DCC: variants seen among roughly 807,000 people sequenced by gnomAD.
DCC encodes the protein netrin receptor DCC.
A neutral mutation model predicts 172.5 loss-of-function variants in DCC; 58 were observed. The ratio of observed to expected loss-of-function variants is 0.34; its 90% confidence interval spans 0.27 to 0.42. The LOEUF is 0.42. Among genes scored for constraint, DCC ranks in the 10% least tolerant of loss-of-function variants. The pLI is 1.00. For synonymous variants in DCC, 709 were observed against 644.5 expected (o/e 1.10, Z -1.52); for missense variants, 1,740 against 1,791.0 (o/e 0.97, Z 0.51).
At chr18:53,387,060 C>T (rs1465673610) in intron 16 of DCC, among the ~76,000 whole-genome samples, 4 of 152,142 alleles carry the variant, frequency 2.6e-5, no homozygotes, top group African/African-American at 4.8e-5. Context: ...GTCCCCTTAA[C>T]GAAAACAGAG....
chr18:53,302,332 C>A (rs1285073120), intron 12 of DCC, among the ~76,000 whole-genome samples: 1 of 151,958 alleles, frequency 6.6e-6, no homozygotes, highest in Non-Finnish European at 1.5e-5. Flanking sequence ...TTTCCATCAC[C>A]CCAAAAAGTC....
chr18:53,217,791 A>G (rs1167670700), intron 12 of DCC, among the ~76,000 whole-genome samples: 1 of 152,132 alleles, frequency 6.6e-6, no homozygotes, highest in East Asian at 1.9e-4. Context: ...GAAACATTAT[A>G]GTTGAATAAA....
intron 2 of DCC, among the ~76,000 whole-genome samples, chr18:52,769,615 G>A (rs1291837429): frequency 6.6e-6 from 1 of 152,126 alleles, no homozygotes; most frequent in East Asian, 1.9e-4. Context: ...CAAGGATCAT[G>A]CCTTTACATA....
chr18:52,709,448 G>T (rs982424301), intron 1 of DCC, among the ~76,000 whole-genome samples: 3 of 152,234 alleles, frequency 2.0e-5, no homozygotes, highest in Non-Finnish European at 4.4e-5. Flanking sequence ...TATCACAGGG[G>T]CATGGCTCTA....
At chr18:53,415,381 A>C (rs768819957) in intron 20 of DCC, among the ~76,000 whole-genome samples, 32 of 152,138 alleles carry the variant, frequency 2.1e-4, no homozygotes, top group Admixed American at 3.9e-4. Flanking sequence ...TCTACTAGTA[A>C]TTGAGGGAGG....
chr18:53,467,473 G>A (rs945318221), intron 24 of DCC, among the ~76,000 whole-genome samples: 1 of 152,020 alleles, frequency 6.6e-6, no homozygotes, highest in African/African-American at 2.4e-5. Flanking sequence ...TTAGTTGAAT[G>A]AATTCTAGTA....
chr18:52,527,880 T>A (rs940019269), intron 1 of DCC, among the ~76,000 whole-genome samples: 13 of 152,192 alleles, frequency 8.5e-5, no homozygotes, highest in Admixed American at 2.6e-4. Context: ...GGAGAGCAAC[T>A]GGTCAGATCC....
chr18:53,262,917 A>G (rs1347179309), intron 12 of DCC, among the ~76,000 whole-genome samples: 1 of 152,188 alleles, frequency 6.6e-6, no homozygotes, highest in East Asian at 1.9e-4. Flanking sequence ...ATGAAACATT[A>G]AAAATATTAG....
chr18:52,546,659 TATCATCATCATC>T (rs3086379), intron 1 of DCC, among the ~76,000 whole-genome samples: 3 of 150,194 alleles, frequency 2.0e-5, no homozygotes, highest in African/African-American at 4.9e-5. Flanking sequence ...TCAATAATAA[TATCATCATCATC>T]ATCATCATCA....
intron 5 of DCC, among the ~76,000 whole-genome samples, chr18:53,043,281 G>A (rs1012429023): frequency 6.6e-6 from 1 of 151,446 alleles, no homozygotes; most frequent in Admixed American, 6.6e-5. Context: ...CATGAACACA[G>A]GGAGGGGAAT....
chr18:53,304,580 C>A (rs1321568525), intron 12 of DCC, among the ~76,000 whole-genome samples: 1 of 151,982 alleles, frequency 6.6e-6, no homozygotes, highest in Non-Finnish European at 1.5e-5. Flanking sequence ...GTTGAATATC[C>A]CCAGAGGATA....
chr18:53,049,173 G>T (rs370262100), intron 5 of DCC, among the ~76,000 whole-genome samples: 3,912 of 140,028 alleles, frequency 0.028, 199 homozygotes, highest in African/African-American at 0.1. Flanking sequence ...TCATGCAGAG[G>T]CTCTTTAGTT....
intron 15 of DCC, among the ~76,000 whole-genome samples, chr18:53,352,518 T>A (rs772310123): frequency 5.3e-5 from 8 of 152,132 alleles, no homozygotes; most frequent in Non-Finnish European, 1.2e-4. Flanking sequence ...GTGCATCCAC[T>A]CCAGACTATA....
intron 3 of DCC, among the ~76,000 whole-genome samples, chr18:52,912,112 G>A (rs546028069): frequency 3.2e-4 from 49 of 152,144 alleles, no homozygotes; most frequent in Non-Finnish European, 6.3e-4. Flanking sequence ...TAATATCATG[G>A]GGTCTGACAC....
At chr18:53,010,519 A>C (rs1421173499) in intron 5 of DCC, among the ~76,000 whole-genome samples, 2 of 151,628 alleles carry the variant, frequency 1.3e-5, no homozygotes, top group Non-Finnish European at 1.5e-5. Context: ...AGTAGAATAT[A>C]TAAGAAGTAA....
intron 7 of DCC, among the ~76,000 whole-genome samples, chr18:53,074,277 C>T (rs560351956): frequency 3.9e-5 from 6 of 152,156 alleles, no homozygotes; most frequent in Admixed American, 1.3e-4. Flanking sequence ...CAATGTTAAC[C>T]GACCCAAGCA....
rs189005121 is a variant in DCC, at chr18:53,280,463, T to G, written c.1912-25115T>G. ...CCAATCTTGTTCCTAATCTCAAAAT[T>G]TTGAACGTCTACCTGATTTAAATTT... On this transcript the variant is annotated intron_variant, in intron 12 of 28. Coordinates refer to ENST00000442544, the MANE Select transcript of DCC (RefSeq NM_005215.4). Among the ~76,000 whole-genome samples the G allele has an allele frequency of 7.3e-3, 1,106 of 152,252 alleles. 4 individuals carry two copies. The highest frequency in any genetic ancestry group is 0.012 in the Non-Finnish European group (801 of 67,992).
At chr18:52,514,135 C>A (rs928167416) in intron 1 of DCC, among the ~76,000 whole-genome samples, 1 of 152,036 alleles carries the variant, frequency 6.6e-6, no homozygotes, top group African/African-American at 2.4e-5. Context: ...AAAATCCTCT[C>A]TCTCTGTATA....
Position 52,925,225 on chromosome 18 carries a change from G to C in DCC, c.849-9G>C. On this transcript the variant is annotated splice_polypyrimidine_tract_variant and intron_variant, in intron 4 of 28. Transcript: ENST00000442544. ...TTAATTTACTCTGCACCTTCCCTAT[G>C]TCTTGCAGGTCTAAAAAGTATTCTT... 1 of 1,611,332 alleles carries C rather than the reference G, an allele frequency of 6.2e-7. No homozygotes were observed. The highest frequency in any genetic ancestry group is 8.5e-7 in the Non-Finnish European group (1 of 1,177,994).
Sources: allele counts gnomAD v4.1 joint callset (sites outside exome capture counted in the v4.1 genomes callset), GRCh38; gene constraint gnomAD v4.1.1; transcripts MANE v1.5; gene names NCBI Gene and HGNC (gene_info 2026-07-23, HGNC 2026-07-21).